The following FBXO11 variants were observed in gnomAD, a reference collection of about 807,000 sequenced individuals.
FBXO11 encodes the protein F-box protein 11.
Under a neutral mutation model 117.0 loss-of-function variants are expected in FBXO11, and 13 were observed. The ratio of observed to expected loss-of-function variants is 0.11; its 90% CI spans 0.07 to 0.18. The LOEUF is 0.18. FBXO11 is among the 10% of genes least tolerant of loss of function. The pLI, the probability that FBXO11 is intolerant of heterozygous loss-of-function variation, is 1.00. For missense variants in FBXO11, 767 were observed against 1,164.4 expected (o/e 0.66, Z 4.97); for synonymous variants, 490 against 380.5 (o/e 1.29, Z -3.35).
chr2:47,886,638 T>C (rs1210095229), intron 1 of FBXO11, among the ~76,000 whole-genome samples: 3 of 152,172 alleles, frequency 2.0e-5, no homozygotes, highest in Admixed American at 1.3e-4. Flanking sequence ...ATTTAATACA[T>C]TGTGGTACAT....
chr2:47,866,618 C>T (rs775463688), intron 1 of FBXO11, among the ~76,000 whole-genome samples: 3 of 151,892 alleles, frequency 2.0e-5, no homozygotes, highest in East Asian at 1.9e-4. Flanking sequence ...GGATTACAGG[C>T]GCGCACCACC....
chr2:47,849,652 G>A (rs943791969), intron 1 of FBXO11, among the ~76,000 whole-genome samples: 2 of 152,158 alleles, frequency 1.3e-5, no homozygotes, highest in Non-Finnish European at 2.9e-5. Flanking sequence ...AGTATTGAGG[G>A]AATATTTAAG....
chr2:47,905,378 C>T, intron 1 of FBXO11, 111 bp downstream of exon 1: 1 of 1,046,522 alleles, frequency 9.6e-7, no homozygotes, highest in African/African-American at 1.7e-5. Context: ...CTTGGGTCTC[C>T]CACCCCCAGG....
At chr2:47,818,461 G>A in intron 16 of FBXO11, 1 of 232,402 alleles carries the variant, frequency 4.3e-6, no homozygotes, top group Non-Finnish European at 8.3e-6. Flanking sequence ...GATATGCCAG[G>A]CATAATGCAC....
intron 1 of FBXO11, among the ~76,000 whole-genome samples, chr2:47,899,363 T>C (rs1254875859): frequency 6.6e-6 from 1 of 152,082 alleles, no homozygotes; most frequent in Admixed American, 6.6e-5. Context: ...GAATTTTATC[T>C]CTTGGGTTTA....
chr2:47,853,121 C>G (rs2937345), intron 1 of FBXO11, among the ~76,000 whole-genome samples: 102,028 of 151,508 alleles, frequency 0.67, 35,160 homozygotes, highest in African/African-American at 0.83. Context: ...ACCCAGGCTA[C>G]AGTGCAGTGG....
chr2:47,839,484 G>C lies in FBXO11; in HGVS notation c.377C>G (p.Thr126Ser). 5 of 1,613,936 alleles carry C rather than the reference G, an allele frequency of 3.1e-6. No individual in the cohort carries two copies. Among genetic ancestry groups the C allele is most frequent in the Non-Finnish European group, 4.2e-6 (5 of 1,179,974 alleles). ...KNSMEGASTS[T>S]TENFGHRAKR... ...TGCACGATGACCAAAGTTTTCTGTA[G>C]TTGAAGTTGAGGCGCCCTTCAAAAA... Residue 126 changes from threonine to serine, a missense_variant, in exon 3 of 23, where the codon ACT becomes AGT. This residue lies in a region of FBXO11 where 355 missense variants were observed against 299.8 expected (regional missense o/e 1.18). Transcript: ENST00000403359.
Position 47,832,790 on chromosome 2 carries a change from T to C in FBXO11, c.1132A>G (p.Ile378Val), listed in dbSNP as rs1239680801. The C allele has an allele frequency of 1.2e-6, 2 of 1,613,452 alleles. No individual in the cohort carries two copies. Among genetic ancestry groups the C allele is most frequent in the African/African-American group, 1.3e-5 (1 of 75,036 alleles). ...TAACCTGTACATGTACTTCGGATGA[T>C]ACAGTGATCAATAATAGGGCTACAA... ...VNCSPIIDHC[I>V]IRSTCTVGSA... is the part of the protein sequence containing the mutation. Residue 378 changes from isoleucine to valine, a missense_variant, in exon 9 of 23, where the codon ATC (isoleucine) becomes GTC (valine). Physicochemically the swap from Ile to Val is conservative, Grantham distance 29. This residue lies in a region of FBXO11 where 123 missense variants were observed against 145.0 expected (regional missense o/e 0.85). Transcript: ENST00000403359.
intron 16 of FBXO11, among the ~76,000 whole-genome samples, chr2:47,814,471 T>TG (rs1008794890): frequency 2.7e-5 from 4 of 150,704 alleles, no homozygotes; most frequent in Non-Finnish European, 5.9e-5. Flanking sequence ...CTCGAACTCT[T>TG]GGGCTCAAGC....
intron 1 of FBXO11, chr2:47,883,493 C>A: frequency 2.4e-6 from 1 of 414,846 alleles, no homozygotes; most frequent in Non-Finnish European, 4.8e-6. Flanking sequence ...GGAAGACCAT[C>A]ACCCTCCAGA....
At chr2:47,898,378 C>T (rs190303944) in intron 1 of FBXO11, among the ~76,000 whole-genome samples, 2 of 152,256 alleles carry the variant, frequency 1.3e-5, no homozygotes, top group Non-Finnish European at 2.9e-5. Flanking sequence ...CACACCAAAC[C>T]ATGGTGAGAA....
intron 16 of FBXO11, among the ~76,000 whole-genome samples, chr2:47,816,992 G>T (rs1045431892): frequency 1.3e-5 from 2 of 152,156 alleles, no homozygotes; most frequent in Non-Finnish European, 2.9e-5. Context: ...CTTGCCCTTT[G>T]AAGTCAGGCA....
At chr2:47,880,383 A>G (rs1182810271) in intron 1 of FBXO11, among the ~76,000 whole-genome samples, 7 of 152,158 alleles carry the variant, frequency 4.6e-5, no homozygotes, top group Admixed American at 4.6e-4. Context: ...TAGTATTTTC[A>G]TGGCTTTATT....
At chr2:47,843,360 GGGT>G (rs969094114) in intron 1 of FBXO11, among the ~76,000 whole-genome samples, 6 of 151,912 alleles carry the variant, frequency 3.9e-5, no homozygotes, top group African/African-American at 1.2e-4. Context: ...CTTTTGTTGA[GGGT>G]GGTGGTGGTT....
chr2:47,830,143 A>T (rs1279677920), intron 11 of FBXO11, among the ~76,000 whole-genome samples: 2 of 152,196 alleles, frequency 1.3e-5, no homozygotes, highest in Non-Finnish European at 2.9e-5. Flanking sequence ...ATAGTAAAAC[A>T]ATACATCAGC....
chr2:47,893,603 T>C lies in FBXO11; in HGVS notation c.232+11886A>G, dbSNP rs560973501. The stretch of plus-strand genomic sequence containing the variant: ...GACTAATTTCAAATTTTATTTAAAC[T>C]CAGTTTCTTAACTTTAAGTTCCACA... On this transcript the variant is annotated intron_variant, in intron 1 of 22. Transcript: ENST00000403359. Among the ~76,000 whole-genome samples, 12 of 152,338 alleles carry C rather than the reference T, an allele frequency of 7.9e-5. No homozygotes were observed. In the South Asian group the frequency reaches 2.3e-3, roughly 29 times the overall value.
intron 11 of FBXO11, among the ~76,000 whole-genome samples, chr2:47,824,995 T>G (rs1204168941): frequency 6.6e-6 from 1 of 152,226 alleles, no homozygotes; most frequent in Non-Finnish European, 1.5e-5. Flanking sequence ...TATGTCCATT[T>G]CTACCCCACT....
chr2:47,888,315 A>T (rs1054356860), intron 1 of FBXO11, among the ~76,000 whole-genome samples: 1 of 152,232 alleles, frequency 6.6e-6, no homozygotes, highest in African/African-American at 2.4e-5. Flanking sequence ...AAATCCAAAC[A>T]TCACTCTGAA....
At chr2:47,830,284 G>A (rs1672083681) in intron 11 of FBXO11, among the ~76,000 whole-genome samples, 1 of 152,108 alleles carries the variant, frequency 6.6e-6, no homozygotes, top group Non-Finnish European at 1.5e-5. Flanking sequence ...ACAGAATCGT[G>A]AGGGAAAGAA....
Sources: gnomAD v4.1 joint callset for allele counts (sites outside exome capture counted in the v4.1 genomes callset) on GRCh38, gnomAD v4.1.1 for gene constraint, gnomAD v4.1.1 regional missense constraint, MANE v1.5 for transcripts, NCBI Gene and HGNC (gene_info 2026-07-23, HGNC 2026-07-21) for gene names.